Variants in AIFM3 observed in about 807,000 individuals in gnomAD.
The protein encoded by AIFM3 is AIF family member 3.
AIFM3 carries 71 observed loss-of-function variants against 82.7 expected under a neutral mutation model. That is an observed-to-expected ratio of 0.86 (90% CI 0.71 to 1.05). The LOEUF is 1.05. Ranked by LOEUF, AIFM3 falls within the 50% of genes least tolerant of loss-of-function variation. AIFM3 has a pLI of 0.00. For missense variants in AIFM3, 748 were observed against 816.7 expected, an observed-to-expected ratio of 0.92 and a Z score of 1.03; for synonymous variants, 337 against 329.1, an observed-to-expected ratio of 1.02 and a Z score of -0.26.
intron 6 of AIFM3, 40 bp downstream of exon 6, chr22:20,974,336 C>CGGGA (rs759055270): frequency 6.2e-7 from 1 of 1,607,022 alleles, no homozygotes; most frequent in Non-Finnish European, 8.5e-7. Flanking sequence ...AGGGAGGAGC[C>CGGGA]GGGAGGGCAT....
intron 18 of AIFM3, 76 bp from the exon 19 acceptor site, chr22:20,979,944 G>A: frequency 7.2e-7 from 1 of 1,382,428 alleles, no homozygotes; most frequent in East Asian, 2.5e-5. Context: ...GCCCCAGATG[G>A]ACAGCAGTGC....
In AIFM3 at chr22:20,974,123, C is replaced by A; in HGVS notation, c.416C>A (p.Thr139Asn). ...PWHGACFNIS[T>N]GDLEDFPGLD... ...CACGGCGCCTGCTTCAACATCAGCA[C>A]TGGGGACCTGGAGGACTTCCCTGGC... The change falls in exon 5 of 21, where the codon ACT (threonine) becomes AAT (asparagine). Residue 139 changes from threonine to asparagine, a missense_variant. By Grantham distance (65) the Thr-to-Asn change is moderately conservative. Transcript: ENST00000440238. 6.2e-7 allele frequency: 1 copy of A among 1,613,354 alleles called. No individual in the cohort carries two copies. The highest frequency in any genetic ancestry group is 1.1e-5 in the South Asian group (1 of 91,012).
In AIFM3 at chr22:20,977,792, C is replaced by A. The variant is rs1330236912; in HGVS notation, c.1359+16C>A. 1 of 1,614,138 alleles carries A rather than the reference C, an allele frequency of 6.2e-7. No individual in the cohort carries two copies. The highest frequency in any genetic ancestry group is 8.5e-7 in the Non-Finnish European group (1 of 1,180,016). ...TGTCAACAAGGTGGGGTGGATGGCACTGGGTGGGGAGGACCCGGTGCTGGG... is the reference window on the plus strand; with the variant it reads ...TGTCAACAAGGTGGGGTGGATGGCAATGGGTGGGGAGGACCCGGTGCTGGG... On this transcript the variant is annotated intron_variant, in intron 15 of 20. Coordinates refer to ENST00000440238, the MANE Select transcript of AIFM3 (RefSeq NM_001386814.1).
Position 20,974,602 on chromosome 22 carries a change from T to C in AIFM3, c.588T>C (p.Asn196=), listed in dbSNP as rs1360737381. ...GTGCTGGGTACAGCAGTAGCACCAATGTGCTCATTGTGGGTGCAGGTTGGT... is the reference window on the plus strand; with the variant it reads ...GTGCTGGGTACAGCAGTAGCACCAACGTGCTCATTGTGGGTGCAGGTTGGT... ...SPSAGYSSST[N]VLIVGAGAAG... Residue 196 remains asparagine (N), a synonymous_variant, in exon 7 of 21, where the codon AAT becomes AAC. Transcript: ENST00000440238. The C allele has an allele frequency of 6.2e-7, 1 of 1,613,738 alleles. No individual in the cohort carries two copies. Among genetic ancestry groups the C allele is most frequent in the East Asian group, 2.2e-5 (1 of 44,852 alleles).
Position 20,981,320 on chromosome 22 carries a change from T to G in AIFM3, c.*289T>G. On this transcript the variant is annotated 3_prime_UTR_variant, in exon 21 of 21. Transcript: ENST00000440238. ...TCCCCTGAAGAACCCTGCAACACGT[T>G]AAACATTACCGTAAAATTAAAACGC... The G allele has an allele frequency of 2.1e-6, 1 of 473,936 alleles. No individual in the cohort carries two copies. Among genetic ancestry groups the G allele is most frequent in the Non-Finnish European group, 3.9e-6 (1 of 257,372 alleles). The allele number at this position is 473,936 out of a possible 1,614,324, so 29.4% of individuals were successfully genotyped here.
chr22:20,979,855 G>C, intron 18 of AIFM3, 153 bp downstream of exon 18: 1 of 1,177,274 alleles, frequency 8.5e-7, no homozygotes, highest in Non-Finnish European at 1.2e-6. Context: ...GCTTGTGCAC[G>C]GTCAAGCCGC....
Position 20,981,202 on chromosome 22 carries a change from A to C in AIFM3, c.*171A>C, listed in dbSNP as rs6005114. The C allele has an allele frequency of 0.028, 23,796 of 859,746 alleles. 1,791 individuals carry two copies. Among genetic ancestry groups the C allele is most frequent in the Admixed American group, 0.18 (6,997 of 39,662 alleles). The allele number at this position is 859,746 out of a possible 1,614,324, so 53.3% of individuals were successfully genotyped here. A position where few individuals can be genotyped will look rare whatever the true frequency, so the allele number is the denominator to read the frequency against. Reference sequence around the variant, plus strand: ...CTCCTGGGAGGCCTCTGCTGGATCCAGAAGATGCTCAACCCTCAAGGCCTC... The same window carrying C: ...CTCCTGGGAGGCCTCTGCTGGATCCCGAAGATGCTCAACCCTCAAGGCCTC... On this transcript the variant is annotated 3_prime_UTR_variant, in exon 21 of 21. Transcript: ENST00000440238.
intron 8 of AIFM3, among the ~76,000 whole-genome samples, chr22:20,975,031 C>T (rs1029478851): frequency 1.3e-5 from 2 of 152,170 alleles, no homozygotes; most frequent in African/African-American, 2.4e-5. Context: ...GGCGCCTTCT[C>T]GGCTCACTGC....
Position 20,979,328 on chromosome 22 carries a change from A to T in AIFM3, c.1535A>T (p.Tyr512Phe), listed in dbSNP as rs147210962. ...GAGGCGGAGATGAGCACTGTGCCCT[A>T]CCTCTGGACCGCCATGTTTGGCAAG... ...AQEAEMSTVP[Y>F]LWTAMFGKSL... Residue 512 changes from tyrosine to phenylalanine, a missense_variant, in exon 17 of 21, where the codon TAC (tyrosine) becomes TTC (phenylalanine). Physicochemically the swap from Tyr to Phe is conservative, Grantham distance 22. Transcript: ENST00000440238. 1.3e-6 allele frequency: 2 copies of T among 1,555,272 alleles called. No homozygotes were observed. Among genetic ancestry groups the T allele is most frequent in the African/African-American group, 2.8e-5 (2 of 71,972 alleles).
rs559227367 is a variant in AIFM3 at position 20,976,944 on chromosome 22, CCCTTCT to C, written c.1218+9_1218+14del. On this transcript the variant is annotated splice_region_variant and intron_variant, in intron 13 of 20. Transcript: ENST00000440238. ...TGCGGGGCCAGGAGGGAAAGGTGGGCCCTTCTCCCTTCTCCCTGCTGCTTTCTGTCC... is the reference window on the plus strand; with the variant it reads ...TGCGGGGCCAGGAGGGAAAGGTGGGCCCCTTCTCCCTGCTGCTTTCTGTCC... The C allele has an allele frequency of 1.3e-4, 211 of 1,612,132 alleles. 1 individual carries two copies. The East Asian group carries it at 3.8e-3, about 29-fold the overall frequency.
In AIFM3 at chr22:20,977,694, T is replaced by G. The variant is rs2147947710; in HGVS notation, c.1283-6T>G. ...GGGGAGTGGACACAGGCTTCCGTCC[T>G]GTCAGGTGCAGTGCCCGCCACAGGC... On this transcript the variant is annotated splice_polypyrimidine_tract_variant and splice_region_variant and intron_variant, in intron 14 of 20. Transcript: ENST00000440238. 6.2e-7 allele frequency: 1 copy of G among 1,613,752 alleles called. No homozygotes were observed. The highest frequency in any genetic ancestry group is 1.7e-5 in the Admixed American group (1 of 60,008).
chr22:20,980,288 A>G, intron 19 of AIFM3, 164 bp downstream of exon 19: 1 of 643,584 alleles, frequency 1.6e-6, no homozygotes, highest in Non-Finnish European at 2.7e-6. Context: ...GGCAAGGATC[A>G]TGGTTTGAGA....
chr22:20,967,160 T>G (rs984963533), upstream of AIFM3: 2 of 151,922 alleles, frequency 1.3e-5, no homozygotes, highest in African/African-American at 4.8e-5. Flanking sequence ...CCCCAGCCCC[T>G]CCTGGCCACA....
Position 20,973,498 on chromosome 22 carries a change from G to T in AIFM3, c.223G>T (p.Val75Phe). 1.2e-6 allele frequency: 2 copies of T among 1,612,510 alleles called. No homozygotes were observed. Among genetic ancestry groups the T allele is most frequent in the Non-Finnish European group, 1.7e-6 (2 of 1,179,884 alleles). ...TTGCGTGGAGGCTGCTGTCTGCCAC[G>T]TCAAGGACCTCGAGAATGGCCAGTG... The part of the protein sequence containing the change: ...QDCVEAAVCH[V>F]KDLENGQMRE... The change falls in exon 3 of 21, where the codon GTC becomes TTC. Residue 75 changes from valine to phenylalanine, a missense_variant. Around this residue, in one of 5 missense-constraint regions of AIFM3, gnomAD observed 148 missense variants for 134.1 expected, o/e 1.10. Coordinates refer to ENST00000440238, the MANE Select transcript of AIFM3 (RefSeq NM_001386814.1).
At position 20,974,283 on chromosome 22, in the gene AIFM3, G is replaced by T; in HGVS notation, c.497G>T (p.Arg166Leu). ...VKIEKEKVYVRASKQALQLQR... is the reference protein window; with the variant it reads ...VKIEKEKVYVLASKQALQLQR... ...ATTGAGAAGGAGAAGGTGTACGTCC[G>T]GGCCAGCAAGCAGGTGAGGGGATAG... The change falls in exon 6 of 21, where the codon CGG becomes CTG. Residue 166 changes from arginine (R) to leucine (L), a missense_variant. Transcript: ENST00000440238. 6.2e-7 allele frequency: 1 copy of T among 1,613,660 alleles called. No individual in the cohort carries two copies. Among genetic ancestry groups the T allele is most frequent in the South Asian group, 1.1e-5 (1 of 91,026 alleles).
In AIFM3 at chr22:20,981,271, C is replaced by A; in HGVS notation, c.*240C>A. 1 of 573,150 alleles carries A rather than the reference C, an allele frequency of 1.7e-6. No homozygotes were observed. The highest frequency in any genetic ancestry group is 3.1e-6 in the Non-Finnish European group (1 of 319,486). The allele number at this position is 573,150 out of a possible 1,614,324, so 35.5% of individuals were successfully genotyped here. ...GCACTGGAGGCAGGACAAGCCCTGC[C>A]TCTTCTCCCTCTATTGGGACTGGTC... is the stretch of plus-strand genomic sequence containing the variant. On this transcript the variant is annotated 3_prime_UTR_variant, in exon 21 of 21. Transcript: ENST00000440238.
chr22:20,974,104 G>A lies in AIFM3; in HGVS notation c.397G>A (p.Ala133Thr), dbSNP rs768398726. The change falls in exon 5 of 21, where the codon GCC becomes ACC. Residue 133 changes from alanine to threonine, a missense_variant. By Grantham distance (58) the Ala-to-Thr change is moderately conservative. Coordinates refer to ENST00000440238, the MANE Select transcript of AIFM3 (RefSeq NM_001386814.1). ...RGRVRCPWHG[A>T]CFNISTGDLE... ...TCGGGTGCGCTGCCCCTGGCACGGC[G>A]CCTGCTTCAACATCAGCACTGGGGA... 14 of 1,612,690 alleles carry A rather than the reference G, an allele frequency of 8.7e-6. No homozygotes were observed. In the South Asian group the frequency reaches 1.3e-4, roughly 15 times the overall value.
Position 20,974,400 on chromosome 22 carries a change from G to A in AIFM3, c.510+104G>A, listed in dbSNP as rs1923492554. On this transcript the variant is annotated intron_variant, in intron 6 of 20. Coordinates refer to ENST00000440238, the MANE Select transcript of AIFM3 (RefSeq NM_001386814.1). ...CCCTGTGGTGGGAGGAGCTTGGCAC[G>A]TGTCACTGGAGCAGAGTGAGGGGTT... 6 of 1,564,334 alleles carry A rather than the reference G, an allele frequency of 3.8e-6. No individual in the cohort carries two copies. The African/African-American group carries it at 4.1e-5, about 11-fold the overall frequency.
At chr22:20,966,231 G>A (rs1019175156), upstream of AIFM3, among the ~76,000 whole-genome samples, 3 of 152,174 alleles carry the variant, frequency 2.0e-5, no homozygotes, top group Non-Finnish European at 4.4e-5. Flanking sequence ...AGGTCAGCCA[G>A]GAAGGAAGCG....
Sources: allele counts gnomAD v4.1 joint callset (sites outside exome capture counted in the v4.1 genomes callset), GRCh38; gene constraint gnomAD v4.1.1; regional missense constraint gnomAD v4.1.1; transcripts MANE v1.5; gene names NCBI Gene and HGNC (gene_info 2026-07-23, HGNC 2026-07-21).